METTL8: variants seen among roughly 807,000 people sequenced by gnomAD.
METTL8 encodes the protein methyltransferase 8, tRNA N3-cytidine, also known as tRNA N(3)-cytidine methyltransferase METTL8, mitochondrial.
In METTL8, 32 loss-of-function variants were observed where a neutral mutation model predicts 48.7. The observed-to-expected ratio is 0.66, with a 90% confidence interval of 0.50 to 0.88. The LOEUF (loss-of-function observed/expected upper bound fraction) is 0.88, where lower values mean the gene tolerates loss of function less well. METTL8 is among the 40% of genes least tolerant of loss of function. The pLI, the probability that METTL8 is intolerant of heterozygous loss-of-function variation, is 0.00. For missense variants in METTL8, 464 were observed against 474.4 expected (o/e 0.98, Z 0.20); for synonymous variants, 136 against 157.1 (o/e 0.87, Z 1.01).
intron 2 of METTL8, among the ~76,000 whole-genome samples, chr2:171,382,938 G>C (rs372025213): frequency 6.6e-6 from 1 of 151,986 alleles, no homozygotes; most frequent in Non-Finnish European, 1.5e-5. Context: ...GCCAGGTGTG[G>C]TGGCGGGCGC....
intron 7 of METTL8, among the ~76,000 whole-genome samples, chr2:171,329,172 G>C (rs975640549): frequency 3.0e-4 from 45 of 151,274 alleles, no homozygotes; most frequent in African/African-American, 1.0e-3. Context: ...AGGTTTCACA[G>C]TAGAAACGAG....
At chr2:171,417,152 T>C (rs1691395245) in intron 1 of METTL8, among the ~76,000 whole-genome samples, 1 of 152,210 alleles carries the variant, frequency 6.6e-6, no homozygotes, top group African/African-American at 2.4e-5. Context: ...CCATAAAAAG[T>C]AGATCCTGTC....
intron 2 of METTL8, among the ~76,000 whole-genome samples, chr2:171,376,380 T>C (rs1686964959): frequency 6.6e-6 from 1 of 152,072 alleles, no homozygotes; most frequent in Non-Finnish European, 1.5e-5. Flanking sequence ...ATAAAGGGCA[T>C]CCAAATTGGA....
At chr2:171,343,314 C>G (rs1686962569) in intron 3 of METTL8, among the ~76,000 whole-genome samples, 1 of 152,090 alleles carries the variant, frequency 6.6e-6, no homozygotes, top group East Asian at 1.9e-4. Flanking sequence ...TGGTACATGC[C>G]TGTAATCCCA....
At chr2:171,330,029 G>A (rs1457601561) in intron 7 of METTL8, among the ~76,000 whole-genome samples, 2 of 152,170 alleles carry the variant, frequency 1.3e-5, no homozygotes, top group Non-Finnish European at 1.5e-5. Context: ...TTTAAATGAT[G>A]GCATCAGGCT....
chr2:171,342,067 A>G (rs1686833007), intron 3 of METTL8, among the ~76,000 whole-genome samples: 1 of 152,240 alleles, frequency 6.6e-6, no homozygotes, highest in Non-Finnish European at 1.5e-5. Context: ...TTTCCTTCAC[A>G]ATTTTAAAGA....
At chr2:171,396,680 A>C (rs1559170890) in intron 1 of METTL8, among the ~76,000 whole-genome samples, 2 of 152,254 alleles carry the variant, frequency 1.3e-5, no homozygotes, top group Admixed American at 6.5e-5. Flanking sequence ...TATGAGTAAA[A>C]GAACAAATCT....
intron 3 of METTL8, among the ~76,000 whole-genome samples, chr2:171,351,210 T>TA (rs1213898710): frequency 6.6e-6 from 1 of 152,240 alleles, no homozygotes; most frequent in Non-Finnish European, 1.5e-5. Flanking sequence ...CACCATTTAT[T>TA]AAATAGGGAA....
chr2:171,398,801 T>A (rs1193896313), intron 1 of METTL8, among the ~76,000 whole-genome samples: 1 of 152,176 alleles, frequency 6.6e-6, no homozygotes, highest in Non-Finnish European at 1.5e-5. Flanking sequence ...TTAAAACATC[T>A]TCTTGTGTAC....
intron 1 of METTL8, among the ~76,000 whole-genome samples, chr2:171,411,867 GT>G (rs1690789021): frequency 6.6e-6 from 1 of 152,158 alleles, no homozygotes; most frequent in African/African-American, 2.4e-5. Context: ...AAAGACACTG[GT>G]GGAAATAACC....
In METTL8 at chr2:171,363,796, A is replaced by ATATATATATATATATG. The variant is rs1553516537; in HGVS notation, c.144-3284_144-3283insCATATATATATATATA. On this transcript the variant is annotated intron_variant, in intron 2 of 9. Transcript: ENST00000375258. ...AAAAAAGTACATCCCCAAATTTTATATATATATATATATATATATCTTTTT... is the reference window on the plus strand; with the variant it reads ...AAAAAAGTACATCCCCAAATTTTATATATATATATATATATGTATATATATATATATATATCTTTTT... Among the ~76,000 whole-genome samples the ATATATATATATATATG allele has an allele frequency of 9.4e-5, 11 of 117,394 alleles. 1 individual carries two copies. Among genetic ancestry groups the ATATATATATATATATG allele is most frequent in the Non-Finnish European group, 1.5e-4 (8 of 54,242 alleles). The allele number at this position is 117,394 out of a possible 152,430, so 77.0% of individuals were successfully genotyped here.
At chr2:171,356,964 T>TTTTTTTTTTTTTTTTTA (rs1452285184) in intron 3 of METTL8, among the ~76,000 whole-genome samples, 1 of 135,036 alleles carries the variant, frequency 7.4e-6, no homozygotes, top group African/African-American at 2.7e-5. Context: ...TTTTTTTTTT[T>TTTTTTTTTTTTTTTTTA]TTTTTGAGAC....
intron 1 of METTL8, among the ~76,000 whole-genome samples, chr2:171,418,825 T>A (rs2105648058): frequency 6.6e-6 from 1 of 152,160 alleles, no homozygotes; most frequent in South Asian, 2.1e-4. Context: ...CATAGTAGCA[T>A]GTGCCTGTGG....
At chr2:171,362,501 A>G (rs1242768339) in intron 2 of METTL8, among the ~76,000 whole-genome samples, 1 of 152,090 alleles carries the variant, frequency 6.6e-6, no homozygotes, top group Non-Finnish European at 1.5e-5. Flanking sequence ...ATGAGAGGGT[A>G]TATTCCAGTG....
At chr2:171,418,745 G>T (rs1691575492) in intron 1 of METTL8, among the ~76,000 whole-genome samples, 2 of 152,076 alleles carry the variant, frequency 1.3e-5, no homozygotes, top group African/African-American at 2.4e-5. Context: ...CCTAAGCTCA[G>T]GAGTTCAAGA....
intron 1 of METTL8, among the ~76,000 whole-genome samples, chr2:171,424,099 C>G (rs571977527): frequency 3.9e-5 from 6 of 152,340 alleles, no homozygotes; most frequent in African/African-American, 1.2e-4. Flanking sequence ...CAAGCCTTGG[C>G]AGCTTCCACG....
At chr2:171,397,184 A>C (rs1689152183) in intron 1 of METTL8, among the ~76,000 whole-genome samples, 1 of 151,558 alleles carries the variant, frequency 6.6e-6, no homozygotes, top group African/African-American at 2.4e-5. Context: ...AAGTAGAAAG[A>C]AGGAAATAAT....
chr2:171,324,210 T>C lies in METTL8; in HGVS notation c.1186A>G (p.Ser396Gly). 1 of 1,550,344 alleles carries C rather than the reference T, an allele frequency of 6.5e-7. No homozygotes were observed. Among genetic ancestry groups the C allele is most frequent in the Non-Finnish European group, 8.7e-7 (1 of 1,146,826 alleles). ...AGGAGTGTAGATACCATATTGGAGC[T>C]ATTCTGAGTCTGGTGCAATGGTTTC... ...FQKPLHQTQNSSNMVSTLLSQ... is the reference protein window; with the variant it reads ...FQKPLHQTQNGSNMVSTLLSQ... The change falls in exon 10 of 10, where the codon AGC becomes GGC. Residue 396 changes from serine (S) to glycine (G), a missense_variant. Physicochemically the swap from Ser to Gly is moderately conservative, Grantham distance 56. Transcript: ENST00000375258.
At chr2:171,398,275 T>A (rs1222736981) in intron 1 of METTL8, among the ~76,000 whole-genome samples, 1 of 152,072 alleles carries the variant, frequency 6.6e-6, no homozygotes, top group Middle Eastern at 3.2e-3. Flanking sequence ...ATAAACAAAA[T>A]GTGATACATA....
Sources: allele counts gnomAD v4.1 joint callset (sites outside exome capture counted in the v4.1 genomes callset), GRCh38; gene constraint gnomAD v4.1.1; transcripts MANE v1.5; gene names NCBI Gene and HGNC (gene_info 2026-07-23, HGNC 2026-07-21).